The following RDH11 variants were observed in gnomAD, a reference collection of about 807,000 sequenced individuals.
RDH11 encodes retinol dehydrogenase 11, also known as HCV core-binding protein HCBP12.
Under a neutral mutation model 33.4 loss-of-function variants are expected in RDH11, and 19 were observed. That is an observed-to-expected ratio of 0.57 (90% CI 0.40 to 0.83). RDH11 has a LOEUF of 0.83. RDH11 is among the 40% of genes least tolerant of loss of function. RDH11 has a pLI of 0.00. For synonymous variants in RDH11, 154 were observed against 155.3 expected, an observed-to-expected ratio of 0.99 and a Z score of 0.06; for missense variants, 353 against 389.0, an observed-to-expected ratio of 0.91 and a Z score of 0.78.
intron 6 of RDH11, among the ~76,000 whole-genome samples, chr14:67,681,175 A>T (rs2037611444): frequency 6.6e-6 from 1 of 152,246 alleles, no homozygotes; most frequent in Non-Finnish European, 1.5e-5. Flanking sequence ...GAGTGTGTGT[A>T]CATAGAGGAA....
In RDH11 at chr14:67,695,732, G is replaced by T. The variant is rs763849496; in HGVS notation, c.-29C>A. Reference sequence around the variant, plus strand: ...TGCCGGCTGCAGCGGCACCAGAGCGGGATGCTCCAGCGTTGCTCGCCGACT... The same window carrying T: ...TGCCGGCTGCAGCGGCACCAGAGCGTGATGCTCCAGCGTTGCTCGCCGACT... On this transcript the variant is annotated 5_prime_UTR_variant, in exon 1 of 7. Coordinates refer to ENST00000381346, the MANE Select transcript of RDH11 (RefSeq NM_016026.4). The T allele has an allele frequency of 6.2e-7, 1 of 1,609,680 alleles. No homozygotes were observed. Among genetic ancestry groups the T allele is most frequent in the South Asian group, 1.1e-5 (1 of 90,924 alleles).
chr14:67,695,698 A>G lies in RDH11; in HGVS notation c.6T>C (p.Val2=). The G allele has an allele frequency of 6.2e-7, 1 of 1,611,534 alleles. No individual in the cohort carries two copies. The highest frequency in any genetic ancestry group is 8.5e-7 in the Non-Finnish European group (1 of 1,177,626). The change falls in exon 1 of 7, where the codon GTT becomes GTC. Residue 2 remains valine, a synonymous_variant. Transcript: ENST00000381346. The stretch of plus-strand genomic sequence containing the variant: ...GGAGCAACAGCGGGAACATGAGCTC[A>G]ACCATCTCTGCCGGCTGCAGCGGCA... M[V]ELMFPLLLLL...
rs1418746809 is a variant in RDH11, at chr14:67,677,328, TGAA to T, written c.*990_*992del. The T allele has an allele frequency of 1.4e-5, 2 of 147,606 alleles. No homozygotes were observed. The highest frequency in any genetic ancestry group is 2.0e-4 in the East Asian group (1 of 5,062). 9.1% of individuals were successfully genotyped at this position (147,606 alleles called of 1,614,324 possible). A position where few individuals can be genotyped will look rare whatever the true frequency, so the allele number is the denominator to read the frequency against. On this transcript the variant is annotated 3_prime_UTR_variant, in exon 7 of 7. Coordinates refer to ENST00000381346, the MANE Select transcript of RDH11 (RefSeq NM_016026.4). ...CAGTCCCTAAGATAATTTTTCTGAA[TGAA>T]GAATTGTTTTTTTTGTTTGTTTGTT...
Position 67,690,201 on chromosome 14 carries a change from T to C in RDH11, c.664+11A>G. 1 of 1,610,994 alleles carries C rather than the reference T, an allele frequency of 6.2e-7. No individual in the cohort carries two copies. Among genetic ancestry groups the C allele is most frequent in the Non-Finnish European group, 8.5e-7 (1 of 1,178,538 alleles). On this transcript the variant is annotated intron_variant, in intron 5 of 6. Transcript: ENST00000381346. ...GACTCATGTCTCCACATTCATTTCC[T>C]CTAGGCCCACCTTTTAGTCTCCGGG...
intron 4 of RDH11, 142 bp from the exon 5 acceptor site, chr14:67,690,563 A>G: frequency 1.5e-6 from 1 of 670,724 alleles, no homozygotes; most frequent in East Asian, 2.6e-5. Flanking sequence ...ACTAGAAAAC[A>G]AGTTTAATGA....
chr14:67,688,828 TC>T (rs1159477046), intron 5 of RDH11, among the ~76,000 whole-genome samples: 1 of 152,138 alleles, frequency 6.6e-6, no homozygotes, highest in Non-Finnish European at 1.5e-5. Context: ...ATTGTCTTTC[TC>T]CCCCGTTAGA....
chr14:67,692,619 A>C (rs1328400772), intron 2 of RDH11, 26 bp from the exon 3 acceptor site: 1 of 1,530,226 alleles, frequency 6.5e-7, no homozygotes, highest in African/African-American at 1.4e-5. Context: ...TGAAAGAGAA[A>C]TGGTCAGCTC....
At position 67,692,952 on chromosome 14, in the gene RDH11, T is replaced by C. The variant is rs765095549; in HGVS notation, c.175A>G (p.Lys59Glu). The C allele has an allele frequency of 2.5e-6, 4 of 1,612,806 alleles. No individual in the cohort carries two copies. The East Asian group carries it at 8.9e-5, about 36-fold the overall frequency. The change falls in exon 2 of 7, where the codon AAA becomes GAA. Residue 59 changes from lysine to glutamate, a missense_variant. By Grantham distance (56) the Lys-to-Glu change is moderately conservative. Transcript: ENST00000381346. ...AACTTGCCTCTCTGAGCCAGCTCTTTGGCTGTCTCCTTCCCGATACCTGTA... is the reference window on the plus strand; with the variant it reads ...AACTTGCCTCTCTGAGCCAGCTCTTCGGCTGTCTCCTTCCCGATACCTGTA... ...ANTGIGKETA[K>E]ELAQRGARVY...
chr14:67,691,333 A>G, intron 3 of RDH11, 89 bp from the exon 4 acceptor site: 2 of 800,864 alleles, frequency 2.5e-6, no homozygotes, highest in South Asian at 3.0e-5. Context: ...TTTGAAAATG[A>G]GGATGCAGGA....
Position 67,693,544 on chromosome 14 carries a change from C to T in RDH11, c.75-492G>A, listed in dbSNP as rs78453683. ...AAAAAAAAACACACCCACACGCATG[C>T]ACATACACACTTAAAACAAAGAGAA... On this transcript the variant is annotated intron_variant, in intron 1 of 6. Transcript: ENST00000381346. 5.0e-4 allele frequency among the ~76,000 whole-genome samples: 76 copies of T among 151,204 alleles called. No individual in the cohort carries two copies. In the East Asian group the frequency reaches 0.014, roughly 27 times the overall value.
Position 67,692,522 on chromosome 14 carries a change from T to A in RDH11, c.265A>T (p.Thr89Ser). Residue 89 changes from threonine (T) to serine (S), a missense_variant, in exon 3 of 7, where the codon ACA (threonine) becomes TCA (serine). By Grantham distance (58) the Thr-to-Ser change is moderately conservative. Coordinates refer to ENST00000381346, the MANE Select transcript of RDH11 (RefSeq NM_016026.4). Reference protein sequence around the residue: ...ELVAKEIQTTTGNQQVLVRKL... With the variant: ...ELVAKEIQTTSGNQQVLVRKL... ...CGCACCAACACCTGCTGGTTCCCTG[T>A]CGTGGTCTGGATCTCTTTGGCCACC... 6.2e-7 allele frequency: 1 copy of A among 1,613,576 alleles called. No individual in the cohort carries two copies.
intron 6 of RDH11, among the ~76,000 whole-genome samples, chr14:67,681,041 C>A (rs1819386228): frequency 6.6e-6 from 1 of 152,136 alleles, no homozygotes; most frequent in South Asian, 2.1e-4. Context: ...TATGTTGAAT[C>A]CCTAACCCCC....
In RDH11 at chr14:67,677,392, T is replaced by G. The variant is rs1374308560; in HGVS notation, c.*929A>C. 7.3e-6 allele frequency: 1 copy of G among 136,352 alleles called. No homozygotes were observed. The highest frequency in any genetic ancestry group is 2.1e-4 in the East Asian group (1 of 4,706). The allele number at this position is 136,352 out of a possible 1,614,324, so 8.4% of individuals were successfully genotyped here. A position where few individuals can be genotyped will look rare whatever the true frequency, so the allele number is the denominator to read the frequency against. On this transcript the variant is annotated 3_prime_UTR_variant, in exon 7 of 7. Transcript: ENST00000381346. ...TTTTTTTTTTTTTTTTTTTTTTTTT[T>G]GCCACACTGGTTTTTGTTAAGACCT...
At chr14:67,684,039 C>A (rs1469882785) in intron 6 of RDH11, among the ~76,000 whole-genome samples, 2 of 152,174 alleles carry the variant, frequency 1.3e-5, no homozygotes, top group African/African-American at 4.8e-5. Flanking sequence ...TGCTTCAGGG[C>A]CTCTTTCACA....
At chr14:67,687,369 C>T (rs917930463) in intron 5 of RDH11, among the ~76,000 whole-genome samples, 6 of 152,070 alleles carry the variant, frequency 3.9e-5, no homozygotes, top group Non-Finnish European at 8.8e-5. Context: ...TTGCTTTCTA[C>T]AACCTACCAA....
intron 5 of RDH11, among the ~76,000 whole-genome samples, chr14:67,686,546 G>T (rs1186647698): frequency 6.7e-6 from 1 of 149,750 alleles, no homozygotes; most frequent in African/African-American, 2.5e-5. Context: ...GGCTGAGGCA[G>T]GAGAATGACT....
chr14:67,687,438 G>A (rs967508507), intron 5 of RDH11, among the ~76,000 whole-genome samples: 1 of 147,844 alleles, frequency 6.8e-6, no homozygotes, highest in African/African-American at 2.5e-5. Context: ...TCCTCCTTCT[G>A]CCTGGAATGT....
chr14:67,683,712 C>T (rs1406007502), intron 6 of RDH11, among the ~76,000 whole-genome samples: 8 of 152,220 alleles, frequency 5.3e-5, no homozygotes, highest in Admixed American at 3.3e-4. Context: ...AGCTGGCATT[C>T]GCTCACTCTA....
rs750395983 is a variant in RDH11 at position 67,685,071 on chromosome 14, G to A, written c.798C>T (p.Thr266=). 2.7e-5 allele frequency: 44 copies of A among 1,614,108 alleles called. No homozygotes were observed. Among genetic ancestry groups the A allele is most frequent in the Non-Finnish European group, 3.6e-5 (42 of 1,180,000 alleles). The change falls in exon 6 of 7, where the codon ACC becomes ACT. Residue 266 remains threonine (T), a synonymous_variant. Transcript: ENST00000381346. The part of the protein sequence containing the change: ...FIKTPQQGAQ[T]SLHCALTEGL... Reference sequence around the variant, plus strand: ...CTTCTGTTAAGGCACAGTGCAGGCTGGTCTGGGCTCCCTGCTGAGGAGTCT... The same window carrying A: ...CTTCTGTTAAGGCACAGTGCAGGCTAGTCTGGGCTCCCTGCTGAGGAGTCT...
Sources: gnomAD v4.1 joint callset for allele counts (sites outside exome capture counted in the v4.1 genomes callset) on GRCh38, gnomAD v4.1.1 for gene constraint, MANE v1.5 for transcripts, NCBI Gene and HGNC (gene_info 2026-07-23, HGNC 2026-07-21) for gene names.